The following CA4 variants were observed in gnomAD, a reference collection of about 807,000 sequenced individuals.
CA4 encodes CA-IV.
A neutral mutation model predicts 34.5 loss-of-function variants in CA4; 24 were observed. That is an observed-to-expected ratio of 0.70 (90% CI 0.50 to 0.98). CA4 has a LOEUF of 0.98. CA4 is among the 50% of genes least tolerant of loss of function. The pLI is 0.00. For synonymous variants in CA4, 178 were observed against 170.6 expected (o/e 1.04, Z -0.34); for missense variants, 394 against 396.7 (o/e 0.99, Z 0.06).
In CA4 at chr17:60,158,271, C is replaced by T. The variant is rs372224051; in HGVS notation, c.581-12C>T. 95 of 1,613,904 alleles carry T rather than the reference C, an allele frequency of 5.9e-5. No individual in the cohort carries two copies. The highest frequency in any genetic ancestry group is 7.6e-5 in the Non-Finnish European group (90 of 1,179,928). On this transcript the variant is annotated splice_polypyrimidine_tract_variant and intron_variant, in intron 6 of 7. Transcript: ENST00000300900. ...CCACCCTCACTGACAGTGTCCTCTG[C>T]CCCTATCTCAGAGATGAGCACTACG...
At position 60,150,076 on chromosome 17, in the gene CA4, G is replaced by A. The variant is rs1345433116; in HGVS notation, c.42G>A (p.Arg14=). 6.3e-7 allele frequency: 1 copy of A among 1,599,354 alleles called. No homozygotes were observed. The highest frequency in any genetic ancestry group is 8.5e-7 in the Non-Finnish European group (1 of 1,178,954). ...CGCTCCTGGCCCTCTCCGCGGCGCG[G>A]CCATCGGCCAGTGCAGGTGAGCTCC... ...LLALLALSAA[R]PSASAESHWC... Residue 14 remains arginine (R), a synonymous_variant, in exon 1 of 8, where the codon CGG becomes CGA. Coordinates refer to ENST00000300900, the MANE Select transcript of CA4 (RefSeq NM_000717.5).
chr17:60,154,781 C>T (rs1041885198), intron 1 of CA4, among the ~76,000 whole-genome samples: 1 of 152,180 alleles, frequency 6.6e-6, no homozygotes, highest in African/African-American at 2.4e-5. Context: ...AGCTGTGAGA[C>T]GCTAGCCAAG....
intron 7 of CA4, 101 bp downstream of exon 7, chr17:60,158,547 GC>G: frequency 8.1e-7 from 1 of 1,229,550 alleles, no homozygotes; most frequent in Non-Finnish European, 1.2e-6. Context: ...CAGGTGGGGA[GC>G]CCAGGTAACT....
At chr17:60,161,878 A>G (rs1326443951), downstream of CA4, among the ~76,000 whole-genome samples, 1 of 152,028 alleles carries the variant, frequency 6.6e-6, no homozygotes, top group Non-Finnish European at 1.5e-5. Context: ...CTGCCCCCCA[A>G]AGGATCAGGG....
At chr17:60,155,900 G>GTGA (rs1385101569) in intron 2 of CA4, among the ~76,000 whole-genome samples, 3 of 152,240 alleles carry the variant, frequency 2.0e-5, no homozygotes, top group Non-Finnish European at 4.4e-5. Context: ...GGGTGCCTGA[G>GTGA]TGATGGTCCT....
intron 5 of CA4, among the ~76,000 whole-genome samples, chr17:60,168,547 A>G (rs1598007568): frequency 2.6e-5 from 3 of 115,250 alleles, no homozygotes; most frequent in African/African-American, 7.1e-5. Context: ...GGGGGTGGGG[A>G]AGGGTGATTT....
chr17:60,170,183 C>G (rs144433390), intron 5 of CA4, among the ~76,000 whole-genome samples: 15 of 152,284 alleles, frequency 9.9e-5, no homozygotes, highest in African/African-American at 3.4e-4. Flanking sequence ...TGATCAGACT[C>G]AATTGTTCTC....
intron 1 of CA4, among the ~76,000 whole-genome samples, chr17:60,150,727 T>C (rs2083577277): frequency 6.7e-6 from 1 of 150,258 alleles, no homozygotes; most frequent in Non-Finnish European, 1.5e-5. Context: ...CACGCCTTCT[T>C]TTCTCACCCA....
At chr17:60,158,485 C>T in intron 7 of CA4, 39 bp downstream of exon 7, 1 of 1,603,884 alleles carries the variant, frequency 6.2e-7, no homozygotes, top group Non-Finnish European at 8.5e-7. Flanking sequence ...CTCCCACTGC[C>T]TGGCTCCCCA....
downstream of CA4, among the ~76,000 whole-genome samples, chr17:60,173,589 G>C (rs1295450759): frequency 6.6e-6 from 1 of 152,162 alleles, no homozygotes; most frequent in Non-Finnish European, 1.5e-5. Flanking sequence ...AGAGCTTTTG[G>C]CTAATTACTG....
In CA4 at chr17:60,150,030, G is replaced by T; in HGVS notation, c.-5G>T. On this transcript the variant is annotated 5_prime_UTR_variant, in exon 1 of 8. Coordinates refer to ENST00000300900, the MANE Select transcript of CA4 (RefSeq NM_000717.5). ...GGCTCAGAGGACTCTTTGCTGTCCC[G>T]CAAGATGCGGATGCTGCTGGCGCTC... The T allele has an allele frequency of 1.2e-6, 2 of 1,602,096 alleles. No individual in the cohort carries two copies. The highest frequency in any genetic ancestry group is 1.7e-6 in the Non-Finnish European group (2 of 1,178,684).
At chr17:60,163,498 A>G (rs2083818304), downstream of CA4, among the ~76,000 whole-genome samples, 2 of 152,164 alleles carry the variant, frequency 1.3e-5, no homozygotes, top group Non-Finnish European at 2.9e-5. Flanking sequence ...CCTCAGAAGG[A>G]AGGCCAGGCC....
chr17:60,155,198 C>A, intron 1 of CA4, 116 bp from the exon 2 acceptor site: 2 of 891,300 alleles, frequency 2.2e-6, no homozygotes, highest in Non-Finnish European at 3.6e-6. Flanking sequence ...AGGAACACTC[C>A]ATCCCAGCCC....
At chr17:60,160,593 G>A (rs998983462), downstream of CA4, among the ~76,000 whole-genome samples, 6 of 152,078 alleles carry the variant, frequency 3.9e-5, no homozygotes, top group East Asian at 1.9e-4. Flanking sequence ...GCGAAACACC[G>A]TCTTTACTAA....
Position 60,157,707 on chromosome 17 carries a change from G to A in CA4, c.432G>A (p.Glu144=), listed in dbSNP as rs1268935126. ...HFAMEMHIVH[E]KEKGTSRNVK... Reference sequence around the variant, plus strand: ...CCGACCAGATGCACATAGTACATGAGAAAGAGAAGGGGACATCGAGGAATG... The same window carrying A: ...CCGACCAGATGCACATAGTACATGAAAAAGAGAAGGGGACATCGAGGAATG... The change falls in exon 5 of 8, where the codon GAG becomes GAA. Residue 144 remains glutamate, a synonymous_variant. Coordinates refer to ENST00000300900, the MANE Select transcript of CA4 (RefSeq NM_000717.5). The A allele has an allele frequency of 1.2e-6, 2 of 1,614,036 alleles. No individual in the cohort carries two copies. The highest frequency in any genetic ancestry group is 3.3e-5 in the Admixed American group (2 of 60,016).
At chr17:60,155,803 C>T (rs570995441) in intron 2 of CA4, among the ~76,000 whole-genome samples, 1 of 152,256 alleles carries the variant, frequency 6.6e-6, no homozygotes, top group African/African-American at 2.4e-5. Context: ...TGGAATAAAT[C>T]GGTAGCAGCA....
chr17:60,153,410 T>C (rs1273831182), intron 1 of CA4, among the ~76,000 whole-genome samples: 1 of 152,224 alleles, frequency 6.6e-6, no homozygotes, highest in Admixed American at 6.5e-5. Context: ...CAAACCCTTG[T>C]AGCAGAGCAC....
chr17:60,174,332 A>C (rs187170701), downstream of CA4, among the ~76,000 whole-genome samples: 26 of 152,276 alleles, frequency 1.7e-4, no homozygotes, highest in African/African-American at 6.0e-4. Flanking sequence ...TCAAAGTTAA[A>C]AAAATTTACC....
intron 1 of CA4, among the ~76,000 whole-genome samples, chr17:60,153,586 T>C (rs903738038): frequency 6.6e-6 from 1 of 152,224 alleles, no homozygotes; most frequent in Admixed American, 6.5e-5. Flanking sequence ...TTGTGCAAGA[T>C]CCAAGAACCC....
Sources: allele counts gnomAD v4.1 joint callset (sites outside exome capture counted in the v4.1 genomes callset), GRCh38; gene constraint gnomAD v4.1.1; transcripts MANE v1.5; gene names NCBI Gene and HGNC (gene_info 2026-07-23, HGNC 2026-07-21).